The following ADAM22 variants were observed in gnomAD, a reference collection of about 807,000 sequenced individuals.
ADAM22 encodes ADAM metallopeptidase domain 22, also known as disintegrin and metalloproteinase domain-containing protein 22.
A neutral mutation model predicts 144.6 loss-of-function variants in ADAM22; 65 were observed. That is an observed-to-expected ratio of 0.45 (90% confidence interval 0.37 to 0.55). ADAM22 has a LOEUF of 0.55. ADAM22 is among the 20% of genes least tolerant of loss of function. ADAM22 has a pLI of 0.00. For missense variants in ADAM22, 974 were observed against 1,184.9 expected (o/e 0.82, Z 2.61); for synonymous variants, 391 against 412.6 (o/e 0.95, Z 0.63).
At chr7:88,078,072 G>T (rs10464570) in intron 4 of ADAM22, among the ~76,000 whole-genome samples, 56,664 of 151,862 alleles carry the variant, frequency 0.37, 11,733 homozygotes, top group East Asian at 0.62. Flanking sequence ...CCCCCGAGTA[G>T]CCTAACTGGG....
intron 3 of ADAM22, among the ~76,000 whole-genome samples, chr7:88,003,007 C>T (rs1392525513): frequency 6.6e-6 from 1 of 152,186 alleles, no homozygotes; most frequent in Non-Finnish European, 1.5e-5. Flanking sequence ...AAAGTAGCTA[C>T]ACAAATTGTG....
In ADAM22 at chr7:88,024,022, A is replaced by G. The variant is rs188048630; in HGVS notation, c.323+45610A>G. Among the ~76,000 whole-genome samples, 90 of 152,292 alleles carry G rather than the reference A, an allele frequency of 5.9e-4. 1 individual carries two copies. The highest frequency in any genetic ancestry group is 8.5e-4 in the Non-Finnish European group (58 of 68,010). ...TCCACGTTATTGCAAATGAAAAAAT[A>G]TCATTCTTTTTTATGGCTGAATAGT... On this transcript the variant is annotated intron_variant, in intron 3 of 31. Transcript: ENST00000413139.
chr7:88,188,084 G>A (rs1416626595), intron 30 of ADAM22, among the ~76,000 whole-genome samples: 6 of 151,960 alleles, frequency 3.9e-5, no homozygotes, highest in Non-Finnish European at 1.5e-5. Context: ...TGGAATCTTG[G>A]CTCACCTGCA....
intron 3 of ADAM22, among the ~76,000 whole-genome samples, chr7:88,055,522 G>A (rs551588780): frequency 1.3e-5 from 2 of 152,218 alleles, no homozygotes; most frequent in Non-Finnish European, 1.5e-5. Flanking sequence ...ATCTCGGTCT[G>A]TAGAGCAGAC....
At chr7:88,018,553 G>A (rs1797052577) in intron 3 of ADAM22, among the ~76,000 whole-genome samples, 1 of 152,120 alleles carries the variant, frequency 6.6e-6, no homozygotes, top group South Asian at 2.1e-4. Flanking sequence ...TGATGGAATT[G>A]GAATTTGGGT....
At chr7:87,938,240 A>T (rs964390256) in intron 2 of ADAM22, among the ~76,000 whole-genome samples, 10 of 86,348 alleles carry the variant, frequency 1.2e-4, no homozygotes, top group South Asian at 3.9e-4. Context: ...TTTTTGTGAG[A>T]TGGAGTCTTG....
chr7:88,059,677 T>C (rs1809215481), intron 3 of ADAM22, among the ~76,000 whole-genome samples: 1 of 152,174 alleles, frequency 6.6e-6, no homozygotes. Flanking sequence ...TGGAATACTA[T>C]GCAGTCATAA....
chr7:88,003,900 G>C (rs1038199801), intron 3 of ADAM22, among the ~76,000 whole-genome samples: 1 of 152,194 alleles, frequency 6.6e-6, no homozygotes, highest in Non-Finnish European at 1.5e-5. Flanking sequence ...AGTCTCAAGT[G>C]AGCACTCAGG....
chr7:88,141,245 T>C (rs1296575757), intron 14 of ADAM22, among the ~76,000 whole-genome samples: 1 of 152,194 alleles, frequency 6.6e-6, no homozygotes, highest in African/African-American at 2.4e-5. Flanking sequence ...AACAGGCTGA[T>C]TGCTCAAGTT....
chr7:87,986,027 G>A (rs963280173), intron 3 of ADAM22, among the ~76,000 whole-genome samples: 2 of 152,074 alleles, frequency 1.3e-5, no homozygotes, highest in Admixed American at 6.6e-5. Flanking sequence ...TGCAAGTCTG[G>A]AAAGAGTTCC....
At chr7:88,070,340 T>G (rs769912826) in intron 3 of ADAM22, among the ~76,000 whole-genome samples, 1 of 152,184 alleles carries the variant, frequency 6.6e-6, no homozygotes. Context: ...GCTGAGGCCC[T>G]TAATAGTTTT....
At chr7:88,042,375 G>C (rs1563088002) in intron 3 of ADAM22, among the ~76,000 whole-genome samples, 1 of 151,838 alleles carries the variant, frequency 6.6e-6, no homozygotes, top group Non-Finnish European at 1.5e-5. Flanking sequence ...GGTGGATTAT[G>C]TTGATCTGGT....
rs113610356 is a variant in ADAM22 at position 88,148,233 on chromosome 7, A to G, written c.1486-744A>G. 5.2e-3 allele frequency among the ~76,000 whole-genome samples: 789 copies of G among 152,276 alleles called. 11 individuals carry two copies. Among genetic ancestry groups the G allele is most frequent in the African/African-American group, 0.018 (746 of 41,560 alleles). On this transcript the variant is annotated intron_variant, in intron 17 of 31. Coordinates refer to ENST00000413139, the MANE Select transcript of ADAM22 (RefSeq NM_001324418.2). The stretch of plus-strand genomic sequence containing the variant: ...AAAGCATGTAAGGATACAGCCCTGA[A>G]TGCTAACATTTTGGATAGAGAAAAA...
chr7:88,103,010 A>G (rs1231578621), intron 4 of ADAM22, among the ~76,000 whole-genome samples: 5 of 152,222 alleles, frequency 3.3e-5, no homozygotes, highest in African/African-American at 7.2e-5. Flanking sequence ...ACAATAGCCT[A>G]TTGGAGAAGT....
chr7:88,181,665 C>A, intron 28 of ADAM22, 60 bp downstream of exon 28: 1 of 1,424,168 alleles, frequency 7.0e-7, no homozygotes, highest in Non-Finnish European at 9.8e-7. Flanking sequence ...TTCTGTGGCC[C>A]CTGGTTGTAA....
At chr7:88,156,409 A>G (rs979603385) in intron 22 of ADAM22, among the ~76,000 whole-genome samples, 103 of 152,296 alleles carry the variant, frequency 6.8e-4, no homozygotes, top group African/African-American at 2.2e-3. Context: ...AGGCATAGAA[A>G]GAGAGAAGAG....
chr7:87,995,957 GA>G (rs1791110443), intron 3 of ADAM22, among the ~76,000 whole-genome samples: 1 of 152,180 alleles, frequency 6.6e-6, no homozygotes, highest in South Asian at 2.1e-4. Flanking sequence ...TGGCCATTAT[GA>G]ATTACATCAA....
chr7:87,959,846 A>G (rs1389542680), intron 2 of ADAM22, among the ~76,000 whole-genome samples: 1 of 152,214 alleles, frequency 6.6e-6, no homozygotes, highest in Non-Finnish European at 1.5e-5. Context: ...CTTTATTGAC[A>G]TATTCATATA....
At chr7:88,035,295 A>G (rs993576108) in intron 3 of ADAM22, among the ~76,000 whole-genome samples, 11 of 152,262 alleles carry the variant, frequency 7.2e-5, no homozygotes, top group African/African-American at 2.7e-4. Context: ...ATCCAAGAGA[A>G]AGGAGTTTGT....
Sources: allele counts gnomAD v4.1 joint callset (sites outside exome capture counted in the v4.1 genomes callset), GRCh38; gene constraint gnomAD v4.1.1; transcripts MANE v1.5; gene names NCBI Gene and HGNC (gene_info 2026-07-23, HGNC 2026-07-21).